TGFBR3: variants seen among roughly 807,000 people sequenced by gnomAD.
The protein encoded by TGFBR3 is transforming growth factor beta receptor type 3.
Under a neutral mutation model 87.9 loss-of-function variants are expected in TGFBR3, and 46 were observed. The ratio of observed to expected loss-of-function variants is 0.52; its 90% confidence interval spans 0.41 to 0.67. The LOEUF (loss-of-function observed/expected upper bound fraction) is 0.67. Among genes scored for constraint, TGFBR3 ranks in the 30% least tolerant of loss-of-function variants. TGFBR3 has a pLI of 0.00. For synonymous variants in TGFBR3, 381 were observed against 391.6 expected (o/e 0.97, Z 0.32); for missense variants, 866 against 1,041.9 (o/e 0.83, Z 2.32).
chr1:91,729,963 G>A lies in TGFBR3; in HGVS notation c.579C>T (p.Phe193=). ...TCTTCCCTATGTTGCACTTTGGAGG[G>A]AACACTTGATCTGAAAGAGGCACAG... is the stretch of plus-strand genomic sequence containing the variant. The part of the protein sequence containing the change: ...IYIKVGEDQV[F]PPKCNIGKNF... Residue 193 remains phenylalanine, a synonymous_variant, in exon 6 of 17, where the codon TTC becomes TTT. Coordinates refer to ENST00000212355, the MANE Select transcript of TGFBR3 (RefSeq NM_003243.5). 6.2e-7 allele frequency: 1 copy of A among 1,614,108 alleles called. No individual in the cohort carries two copies. The highest frequency in any genetic ancestry group is 8.5e-7 in the Non-Finnish European group (1 of 1,180,002).
At chr1:91,895,529 C>G (rs757364896) in intron 2 of TGFBR3, among the ~76,000 whole-genome samples, 4 of 152,052 alleles carry the variant, frequency 2.6e-5, no homozygotes, top group Non-Finnish European at 5.9e-5. Context: ...CTACATTGAC[C>G]AGGCTAGTCT....
At chr1:91,885,370 G>GC (rs934124460) in intron 1 of TGFBR3, among the ~76,000 whole-genome samples, 3 of 134,184 alleles carry the variant, frequency 2.2e-5, no homozygotes, top group Middle Eastern at 4.2e-3. Context: ...GGCGGGGGGG[G>GC]GCCGAGCTGC....
chr1:91,874,138 TATTA>T (rs1678694140), intron 1 of TGFBR3, among the ~76,000 whole-genome samples: 1 of 152,116 alleles, frequency 6.6e-6, no homozygotes, highest in African/African-American at 2.4e-5. Flanking sequence ...CATAATTATA[TATTA>T]TATAGAGACC....
upstream of TGFBR3, among the ~76,000 whole-genome samples, chr1:91,887,244 T>TTTTTTTTTTTTTTTTG (rs1679349009): frequency 9.6e-6 from 1 of 104,160 alleles, no homozygotes; most frequent in African/African-American, 3.8e-5. Context: ...GCCTTTTTTT[T>TTTTTTTTTTTTTTTTG]TTTTTTTTTT....
At chr1:91,850,611 T>A (rs918625107) in intron 2 of TGFBR3, among the ~76,000 whole-genome samples, 2 of 151,952 alleles carry the variant, frequency 1.3e-5, no homozygotes, top group African/African-American at 2.4e-5. Context: ...TGAGATGTCA[T>A]CTCTATAAAA....
At chr1:91,798,255 C>T (rs1189061191) in intron 2 of TGFBR3, among the ~76,000 whole-genome samples, 1 of 152,208 alleles carries the variant, frequency 6.6e-6, no homozygotes. Flanking sequence ...GTCCACCTAA[C>T]CTAGAGGCAC....
chr1:91,693,744 C>T (rs1249464599), intron 16 of TGFBR3, among the ~76,000 whole-genome samples: 1 of 152,172 alleles, frequency 6.6e-6, no homozygotes, highest in Non-Finnish European at 1.5e-5. Context: ...TCTTGGAGGA[C>T]TTTCAAACTC....
intron 16 of TGFBR3, among the ~76,000 whole-genome samples, chr1:91,689,384 A>T (rs985959910): frequency 3.9e-5 from 6 of 152,112 alleles, no homozygotes; most frequent in African/African-American, 1.4e-4. Context: ...TCTTCCTCTG[A>T]ATATATGGGA....
intron 2 of TGFBR3, among the ~76,000 whole-genome samples, chr1:91,834,661 G>T (rs536440409): frequency 2.6e-5 from 4 of 152,156 alleles, no homozygotes; most frequent in Non-Finnish European, 5.9e-5. Context: ...GAACAAATAC[G>T]TGAGATGGAG....
intron 4 of TGFBR3, among the ~76,000 whole-genome samples, chr1:91,750,844 T>G (rs1673515200): frequency 6.6e-6 from 1 of 152,244 alleles, no homozygotes; most frequent in African/African-American, 2.4e-5. Flanking sequence ...GCCAACCTCA[T>G]GCAGGAAGCT....
chr1:91,844,020 G>A (rs999981469), intron 2 of TGFBR3, among the ~76,000 whole-genome samples: 1 of 152,178 alleles, frequency 6.6e-6, no homozygotes, highest in African/African-American at 2.4e-5. Context: ...AAAGCCCAAC[G>A]GCCTGATGGA....
intron 3 of TGFBR3, among the ~76,000 whole-genome samples, chr1:91,775,935 T>C (rs377143256): frequency 1.3e-5 from 2 of 152,350 alleles, no homozygotes; most frequent in East Asian, 3.9e-4. Flanking sequence ...CTAACCTGTT[T>C]CCAAGCTATT....
intron 2 of TGFBR3, among the ~76,000 whole-genome samples, chr1:91,845,800 A>T (rs17880947): frequency 6.6e-6 from 1 of 152,180 alleles, no homozygotes; most frequent in South Asian, 2.1e-4. Flanking sequence ...AACAGAGGAC[A>T]TGAGGAACCT....
At chr1:91,790,587 C>T (rs543624850) in intron 3 of TGFBR3, among the ~76,000 whole-genome samples, 4 of 152,136 alleles carry the variant, frequency 2.6e-5, no homozygotes, top group South Asian at 2.1e-4. Context: ...TGCTTATATG[C>T]GGAATGTATT....
intron 2 of TGFBR3, among the ~76,000 whole-genome samples, chr1:91,838,629 T>C (rs1032808602): frequency 7.3e-5 from 11 of 151,032 alleles, no homozygotes; most frequent in Non-Finnish European, 1.3e-4. Context: ...CGACTAATTT[T>C]TTTTTTTTTT....
At chr1:91,689,123 C>A (rs896972647) in intron 16 of TGFBR3, among the ~76,000 whole-genome samples, 1 of 152,152 alleles carries the variant, frequency 6.6e-6, no homozygotes, top group Admixed American at 6.5e-5. Context: ...AAGCACCTCC[C>A]GGAGCATCTG....
chr1:91,730,494 T>C (rs1004994779), intron 5 of TGFBR3, among the ~76,000 whole-genome samples: 1 of 152,204 alleles, frequency 6.6e-6, no homozygotes, highest in African/African-American at 2.4e-5. Flanking sequence ...TTTCAACCTG[T>C]ACCTAGATCA....
intron 3 of TGFBR3, among the ~76,000 whole-genome samples, chr1:91,765,698 C>T (rs937846482): frequency 6.6e-6 from 1 of 152,146 alleles, no homozygotes; most frequent in East Asian, 1.9e-4. Context: ...ATGTAAAAAA[C>T]CTTTGGAGCG....
chr1:91,815,193 T>C (rs1676172060), intron 2 of TGFBR3, among the ~76,000 whole-genome samples: 1 of 151,944 alleles, frequency 6.6e-6, no homozygotes, highest in South Asian at 2.1e-4. Context: ...TCCCGGCTAC[T>C]TGGGAGGCTG....
Sources: allele counts gnomAD v4.1 joint callset (sites outside exome capture counted in the v4.1 genomes callset), GRCh38; gene constraint gnomAD v4.1.1; transcripts MANE v1.5; gene names NCBI Gene and HGNC (gene_info 2026-07-23, HGNC 2026-07-21).